The following NCKAP1 variants were observed in gnomAD, a reference collection of about 807,000 sequenced individuals.
The protein encoded by NCKAP1 is NCK associated protein 1.
In NCKAP1, 21 loss-of-function variants were observed where a neutral mutation model predicts 151.2. The ratio of observed to expected loss-of-function variants is 0.14; its 90% CI spans 0.10 to 0.20. The LOEUF is 0.20. NCKAP1 is among the 10% of genes least tolerant of loss of function. NCKAP1 has a pLI of 1.00. For synonymous variants in NCKAP1, 484 were observed against 451.8 expected (o/e 1.07, Z -0.90); for missense variants, 933 against 1,352.1 (o/e 0.69, Z 4.86).
intron 14 of NCKAP1, 96 bp from the exon 15 acceptor site, chr2:182,977,047 C>T (rs921097153): frequency 5.4e-6 from 4 of 734,446 alleles, no homozygotes; most frequent in Non-Finnish European, 8.2e-6. Flanking sequence ...GACAATTCTA[C>T]TTCTGAGTAT....
intron 1 of NCKAP1, among the ~76,000 whole-genome samples, chr2:183,034,549 C>T (rs920963287): frequency 1.4e-4 from 21 of 152,072 alleles, no homozygotes; most frequent in African/African-American, 5.1e-4. Context: ...GTAAACCACA[C>T]ACACAAAAAT....
chr2:182,991,085 C>T (rs1279553086), intron 8 of NCKAP1, among the ~76,000 whole-genome samples: 1 of 152,198 alleles, frequency 6.6e-6, no homozygotes, highest in African/African-American at 2.4e-5. Flanking sequence ...TCAGATTTCA[C>T]TTAGTGTCTT....
intron 23 of NCKAP1, among the ~76,000 whole-genome samples, chr2:182,950,081 C>T (rs1217825822): frequency 6.6e-6 from 1 of 152,114 alleles, no homozygotes; most frequent in African/African-American, 2.4e-5. Flanking sequence ...ATGTCACGAA[C>T]AGGCAAGTTA....
Position 182,957,308 on chromosome 2 carries a change from G to C in NCKAP1, c.2021+149C>G, listed in dbSNP as rs1188046611. ...TTTGAGATGAAATAAGCAACTAACA[G>C]GTTAATTAAGCTCAGAAATATTTTT... is the stretch of plus-strand genomic sequence containing the variant. On this transcript the variant is annotated intron_variant, in intron 19 of 30. Transcript: ENST00000361354. 3 of 844,472 alleles carry C rather than the reference G, an allele frequency of 3.6e-6. No homozygotes were observed. In the African/African-American group the frequency reaches 5.3e-5, roughly 15 times the overall value. 52.3% of individuals were successfully genotyped at this position (844,472 alleles called of 1,614,324 possible).
chr2:182,938,237 T>G (rs574033995), intron 24 of NCKAP1, among the ~76,000 whole-genome samples: 1 of 152,214 alleles, frequency 6.6e-6, no homozygotes, highest in Admixed American at 6.5e-5. Flanking sequence ...AAATATTGGA[T>G]AAGGGAAGAG....
intron 10 of NCKAP1, among the ~76,000 whole-genome samples, chr2:182,984,266 TA>T (rs1379690782): frequency 6.6e-6 from 1 of 152,164 alleles, no homozygotes; most frequent in Non-Finnish European, 1.5e-5. Context: ...AAGGAAGGGA[TA>T]ATCATAAATA....
At chr2:182,926,341 A>G (rs994935384) in intron 30 of NCKAP1, among the ~76,000 whole-genome samples, 1 of 152,062 alleles carries the variant, frequency 6.6e-6, no homozygotes, top group African/African-American at 2.4e-5. Flanking sequence ...GATAAATCCA[A>G]TTTCTGCAGG....
intron 18 of NCKAP1, among the ~76,000 whole-genome samples, chr2:182,960,786 T>C (rs949188127): frequency 6.6e-6 from 1 of 151,952 alleles, no homozygotes; most frequent in Non-Finnish European, 1.5e-5. Flanking sequence ...ACCATCAGAG[T>C]GAACAGGCAA....
chr2:182,926,382 C>T (rs541919387), intron 30 of NCKAP1, among the ~76,000 whole-genome samples: 2 of 151,958 alleles, frequency 1.3e-5, no homozygotes, highest in East Asian at 3.9e-4. Context: ...GGGGAAAGAG[C>T]CACGTGGTAG....
intron 10 of NCKAP1, among the ~76,000 whole-genome samples, chr2:182,985,456 T>G (rs1346134593): frequency 6.6e-6 from 1 of 151,548 alleles, no homozygotes; most frequent in South Asian, 2.1e-4. Flanking sequence ...ACTTAGGATA[T>G]CTATATATTT....
At chr2:182,998,240 A>G (rs1698307969) in intron 6 of NCKAP1, among the ~76,000 whole-genome samples, 1 of 152,164 alleles carries the variant, frequency 6.6e-6, no homozygotes, top group South Asian at 2.1e-4. Flanking sequence ...AAAAGCTAGA[A>G]GCTTTCCCGT....
At position 182,986,162 on chromosome 2, in the gene NCKAP1, A is replaced by C. The variant is rs1286260648; in HGVS notation, c.1004+9T>G. 6.2e-7 allele frequency: 1 copy of C among 1,612,350 alleles called. No homozygotes were observed. The highest frequency in any genetic ancestry group is 8.5e-7 in the Non-Finnish European group (1 of 1,178,842). ...TTAAAGCTACCACGGATAAAATAAA[A>C]CTACTCACGCATGTGACACGGCTGC... On this transcript the variant is annotated intron_variant, in intron 10 of 30. Coordinates refer to ENST00000361354, the MANE Select transcript of NCKAP1 (RefSeq NM_013436.5).
rs748361026 is a variant in NCKAP1, at chr2:183,003,211, TATTA to T, written c.312+18_312+21del. 32 of 1,359,550 alleles carry T rather than the reference TATTA, an allele frequency of 2.4e-5. No individual in the cohort carries two copies. Among genetic ancestry groups the T allele is most frequent in the Non-Finnish European group, 3.1e-5 (30 of 982,062 alleles). 84.2% of individuals were successfully genotyped at this position (1,359,550 alleles called of 1,614,324 possible). A position where few individuals can be genotyped will look rare whatever the true frequency, so the allele number is the denominator to read the frequency against. On this transcript the variant is annotated intron_variant, in intron 3 of 30. Coordinates refer to ENST00000361354, the MANE Select transcript of NCKAP1 (RefSeq NM_013436.5). ...TTAAATCTACTTCTGAAGTGTTAAA[TATTA>T]TATATTAAAATACATACCTTAAATT...
chr2:182,973,295 G>C (rs1475869464), intron 15 of NCKAP1, among the ~76,000 whole-genome samples: 1 of 151,924 alleles, frequency 6.6e-6, no homozygotes, highest in Non-Finnish European at 1.5e-5. Flanking sequence ...ACAACAATGG[G>C]GGGAGAAACA....
At chr2:182,983,151 G>A (rs1697976117) in intron 11 of NCKAP1, 135 bp downstream of exon 11, 2 of 738,152 alleles carry the variant, frequency 2.7e-6, no homozygotes, top group Non-Finnish European at 4.4e-6. Flanking sequence ...TGTCAAGTCA[G>A]CAAATTCATT....
rs1696389609 is a variant in NCKAP1 at position 182,911,280 on chromosome 2, T to C, written c.*14422A>G. 6.6e-6 allele frequency: 1 copy of C among 152,316 alleles called. No individual in the cohort carries two copies. Among genetic ancestry groups the C allele is most frequent in the South Asian group, 2.1e-4 (1 of 4,828 alleles). The allele number at this position is 152,316 out of a possible 1,614,324, so 9.4% of individuals were successfully genotyped here. ...TCTAGGGAAGATGCAGTGAGGGTTTTTGTGTCCTCTGCTTCACCTTTTGAT... is the reference window on the plus strand; with the variant it reads ...TCTAGGGAAGATGCAGTGAGGGTTTCTGTGTCCTCTGCTTCACCTTTTGAT... On this transcript the variant is annotated 3_prime_UTR_variant, in exon 31 of 31. Coordinates refer to ENST00000361354, the MANE Select transcript of NCKAP1 (RefSeq NM_013436.5).
At chr2:182,975,842 T>G (rs935405510) in intron 15 of NCKAP1, among the ~76,000 whole-genome samples, 1 of 152,024 alleles carries the variant, frequency 6.6e-6, no homozygotes, top group African/African-American at 2.4e-5. Context: ...GAGCCTGAGG[T>G]TACAGTGAGC....
At chr2:182,955,865 G>T (rs1374918337) in intron 20 of NCKAP1, among the ~76,000 whole-genome samples, 1 of 151,784 alleles carries the variant, frequency 6.6e-6, no homozygotes. Flanking sequence ...GAACCTACTG[G>T]GTTGCCACCT....
intron 1 of NCKAP1, among the ~76,000 whole-genome samples, chr2:183,036,932 G>C (rs1699113809): frequency 6.6e-6 from 1 of 152,058 alleles, no homozygotes. Context: ...AGTTATGAAG[G>C]TATGACATCA....
Sources: gnomAD v4.1 joint callset for allele counts (sites outside exome capture counted in the v4.1 genomes callset) on GRCh38, gnomAD v4.1.1 for gene constraint, MANE v1.5 for transcripts, NCBI Gene and HGNC (gene_info 2026-07-23, HGNC 2026-07-21) for gene names.